RSRC1: variants seen among roughly 807,000 people sequenced by gnomAD.
The protein encoded by RSRC1 is arginine and serine rich coiled-coil 1, also known as serine/Arginine-related protein 53.
In RSRC1, 39 loss-of-function variants were observed where a neutral mutation model predicts 49.1. The observed-to-expected ratio is 0.79, with a 90% CI of 0.61 to 1.04. The LOEUF (loss-of-function observed/expected upper bound fraction) is 1.04. RSRC1 is among the 50% of genes least tolerant of loss of function. The pLI, the probability that RSRC1 is intolerant of heterozygous loss-of-function variation, is 0.00. For synonymous variants in RSRC1, 143 were observed against 130.8 expected (o/e 1.09, Z -0.63); for missense variants, 388 against 402.4 (o/e 0.96, Z 0.31).
chr3:158,472,332 C>G (rs1337594100), intron 7 of RSRC1, among the ~76,000 whole-genome samples: 1 of 152,108 alleles, frequency 6.6e-6, no homozygotes, highest in Non-Finnish European at 1.5e-5. Context: ...TTCTCACAGA[C>G]TTTCAACTTC....
At position 158,309,078 on chromosome 3, in the gene RSRC1, A is replaced by G. The variant is rs370858418; in HGVS notation, c.531+11003A>G. On this transcript the variant is annotated intron_variant, in intron 5 of 9. Coordinates refer to ENST00000611884, the MANE Select transcript of RSRC1 (RefSeq NM_001271838.2). ...TCTGTTCAGAATAATGAGGGAAATA[A>G]AAGTTTAGAAAATTGTAAAGGTCAT... 7.2e-5 allele frequency among the ~76,000 whole-genome samples: 11 copies of G among 152,050 alleles called. No homozygotes were observed. The East Asian group carries it at 1.9e-3, about 27-fold the overall frequency.
At chr3:158,438,541 C>G (rs974940703) in intron 6 of RSRC1, among the ~76,000 whole-genome samples, 5 of 152,144 alleles carry the variant, frequency 3.3e-5, no homozygotes, top group Admixed American at 6.5e-5. Context: ...TGATCTTTGA[C>G]AAACCTGACA....
Position 158,425,559 on chromosome 3 carries a change from G to T in RSRC1, c.584-35376G>T, listed in dbSNP as rs530903179. Among the ~76,000 whole-genome samples, 3 of 152,060 alleles carry T rather than the reference G, an allele frequency of 2.0e-5. No individual in the cohort carries two copies. The South Asian group carries it at 6.2e-4, about 31-fold the overall frequency. ...TGGTGCTGAAAAAAATGTATATTCT[G>T]TTGATTTGGGATGGAGAGTTCTGTA... On this transcript the variant is annotated intron_variant, in intron 6 of 9. Coordinates refer to ENST00000611884, the MANE Select transcript of RSRC1 (RefSeq NM_001271838.2).
At chr3:158,516,413 G>A (rs1177555595) in intron 7 of RSRC1, among the ~76,000 whole-genome samples, 4 of 152,120 alleles carry the variant, frequency 2.6e-5, no homozygotes, top group African/African-American at 7.2e-5. Context: ...CTGCTCGGGG[G>A]TCAGGGGTCA....
At chr3:158,461,617 G>A (rs1187454815) in intron 7 of RSRC1, among the ~76,000 whole-genome samples, 1 of 151,586 alleles carries the variant, frequency 6.6e-6, no homozygotes, top group Non-Finnish European at 1.5e-5. Context: ...CTTCACGGGG[G>A]ATTATATACA....
chr3:158,381,361 A>G (rs897152661), intron 6 of RSRC1, among the ~76,000 whole-genome samples: 10 of 152,206 alleles, frequency 6.6e-5, no homozygotes, highest in African/African-American at 2.4e-4. Context: ...GCCATGTGAC[A>G]CTAATTATTT....
chr3:158,420,345 G>T (rs573563568), intron 6 of RSRC1, among the ~76,000 whole-genome samples: 1 of 151,974 alleles, frequency 6.6e-6, no homozygotes, highest in Non-Finnish European at 1.5e-5. Context: ...ACAGTGGCTT[G>T]CCTTGAGACA....
chr3:158,312,867 T>G (rs907576784), intron 5 of RSRC1, among the ~76,000 whole-genome samples: 2 of 152,174 alleles, frequency 1.3e-5, no homozygotes, highest in Non-Finnish European at 2.9e-5. Flanking sequence ...CAACAGCCAC[T>G]GTGTTTGATT....
At chr3:158,352,553 T>G (rs1364679140) in intron 5 of RSRC1, among the ~76,000 whole-genome samples, 1 of 152,174 alleles carries the variant, frequency 6.6e-6, no homozygotes, top group Non-Finnish European at 1.5e-5. Context: ...ATGTCTAGGA[T>G]TTTTCTATTA....
At chr3:158,444,874 A>G (rs563305826) in intron 6 of RSRC1, among the ~76,000 whole-genome samples, 182 of 152,356 alleles carry the variant, frequency 1.2e-3, no homozygotes, top group African/African-American at 4.2e-3. Flanking sequence ...AAAAGAAGAC[A>G]TTTATGCAGC....
At chr3:158,283,119 A>T (rs1726275807) in intron 4 of RSRC1, among the ~76,000 whole-genome samples, 1 of 152,164 alleles carries the variant, frequency 6.6e-6, no homozygotes, top group African/African-American at 2.4e-5. Flanking sequence ...TATTTGTATT[A>T]AATTACGTAG....
chr3:158,136,825 T>C (rs1716407821), intron 3 of RSRC1: 1 of 152,222 alleles, frequency 6.6e-6, no homozygotes, highest in Admixed American at 6.5e-5. Flanking sequence ...GGCAACATTG[T>C]TCTTGGACAG....
At chr3:158,320,170 G>A (rs1306400592) in intron 5 of RSRC1, among the ~76,000 whole-genome samples, 1 of 152,122 alleles carries the variant, frequency 6.6e-6, no homozygotes, top group Non-Finnish European at 1.5e-5. Flanking sequence ...CTCACTCAAG[G>A]AATAAGACTT....
chr3:158,148,626 T>G (rs1717318529), intron 3 of RSRC1, among the ~76,000 whole-genome samples: 1 of 152,080 alleles, frequency 6.6e-6, no homozygotes, highest in Non-Finnish European at 1.5e-5. Flanking sequence ...GTTTATTCTC[T>G]AGGAGCCCTT....
chr3:158,261,316 A>G (rs987823842), intron 4 of RSRC1, among the ~76,000 whole-genome samples: 4 of 152,218 alleles, frequency 2.6e-5, no homozygotes, highest in African/African-American at 4.8e-5. Context: ...ATAGGTATAT[A>G]GTGGTGCATC....
rs75226781 is a variant in RSRC1, at chr3:158,162,635, C to A, written c.320+38644C>A. On this transcript the variant is annotated intron_variant, in intron 3 of 9. Transcript: ENST00000611884. ...CTGTAAGGAACCATTGCTTCTAGCT[C>A]ATTTATATGGATAAGAATATTGATA... 3.3e-3 allele frequency among the ~76,000 whole-genome samples: 498 copies of A among 152,240 alleles called. 4 individuals carry two copies. The highest frequency in any genetic ancestry group is 0.012 in the African/African-American group (486 of 41,540).
chr3:158,391,671 G>C (rs1733302803), intron 6 of RSRC1, among the ~76,000 whole-genome samples: 1 of 152,088 alleles, frequency 6.6e-6, no homozygotes, highest in African/African-American at 2.4e-5. Flanking sequence ...CTCAGGGACT[G>C]GGAGGGTGGT....
intron 7 of RSRC1, among the ~76,000 whole-genome samples, chr3:158,497,431 C>G (rs377691699): frequency 0.011 from 1,586 of 143,550 alleles, 38 homozygotes; most frequent in African/African-American, 0.039. Flanking sequence ...TCCTCACAGT[C>G]CATTGTATCA....
intron 3 of RSRC1, among the ~76,000 whole-genome samples, chr3:158,135,167 T>A (rs1716288711): frequency 6.6e-6 from 1 of 152,200 alleles, no homozygotes. Context: ...GAACTTAGTG[T>A]AAGTTCTTAA....
Sources: allele counts gnomAD v4.1 joint callset (sites outside exome capture counted in the v4.1 genomes callset), GRCh38; gene constraint gnomAD v4.1.1; transcripts MANE v1.5; gene names NCBI Gene and HGNC (gene_info 2026-07-23, HGNC 2026-07-21).